The following OPRM1 variants were observed in gnomAD, a reference collection of about 807,000 sequenced individuals.
OPRM1 encodes opioid receptor mu 1.
OPRM1 carries 27 observed loss-of-function variants against 31.8 expected under a neutral mutation model. The observed-to-expected ratio is 0.85, with a 90% CI of 0.63 to 1.17. OPRM1 has a LOEUF of 1.17. Among genes scored for constraint, OPRM1 ranks in the 50% most tolerant of loss-of-function variants. The probability of loss-of-function intolerance (pLI) is 0.00; values close to 1 mark genes in which losing one functional copy is unlikely to be tolerated. For missense variants in OPRM1, 536 were observed against 511.1 expected (o/e 1.05, Z -0.47); for synonymous variants, 196 against 189.9 (o/e 1.03, Z -0.26).
At chr6:154,015,361 T>C (rs529022948) in intron 1 of OPRM1, among the ~76,000 whole-genome samples, 1 of 152,016 alleles carries the variant, frequency 6.6e-6, no homozygotes, top group Non-Finnish European at 1.5e-5. Flanking sequence ...CATACATACA[T>C]AGAAAATATG....
chr6:154,239,577 C>T (rs571693846), intron 3 of OPRM1, among the ~76,000 whole-genome samples: 4 of 152,322 alleles, frequency 2.6e-5, no homozygotes, highest in Non-Finnish European at 5.9e-5. Context: ...TGAAATGTCA[C>T]GTTTTGCCCT....
intron 3 of OPRM1, chr6:154,156,175 C>T (rs1406147849): frequency 6.6e-6 from 1 of 152,280 alleles, no homozygotes; most frequent in African/African-American, 2.4e-5. Flanking sequence ...TTAGGTGAAA[C>T]CCCAATCCAT....
chr6:154,200,437 G>A (rs1381927127), intron 3 of OPRM1, among the ~76,000 whole-genome samples: 1 of 152,170 alleles, frequency 6.6e-6, no homozygotes, highest in Non-Finnish European at 1.5e-5. Flanking sequence ...TGAAAAAGGA[G>A]AGGCTGGGTG....
rs1797896550 is a variant in OPRM1, at chr6:154,131,564, G to A, written c.*12843G>A. 6.6e-6 allele frequency among the ~76,000 whole-genome samples: 1 copy of A among 152,062 alleles called. No individual in the cohort carries two copies. Among genetic ancestry groups the A allele is most frequent in the Non-Finnish European group, 1.5e-5 (1 of 68,028 alleles). On this transcript the variant is annotated 3_prime_UTR_variant, in exon 4 of 4. Transcript: ENST00000330432. ...CACGTAGATTCAGTTTGTATGCCAGGGTGACATTTTAATTTACAGTAGTCC... is the reference window on the plus strand; with the variant it reads ...CACGTAGATTCAGTTTGTATGCCAGAGTGACATTTTAATTTACAGTAGTCC...
At chr6:154,022,545 C>G (rs76350212) in intron 1 of OPRM1, among the ~76,000 whole-genome samples, 4,027 of 147,306 alleles carry the variant, frequency 0.027, 167 homozygotes, top group African/African-American at 0.1. Context: ...CTGTGAGGAA[C>G]CTTTTAAAGT....
chr6:154,026,842 T>C (rs1778724084), intron 1 of OPRM1, among the ~76,000 whole-genome samples: 1 of 152,240 alleles, frequency 6.6e-6, no homozygotes, highest in South Asian at 2.1e-4. Flanking sequence ...GATAGAATTC[T>C]GAATTTCTTT....
At position 154,116,584 on chromosome 6, in the gene OPRM1, C is replaced by CAA. The variant is rs1293710740; in HGVS notation, c.1165-2084_1165-2083dup. Among the ~76,000 whole-genome samples, 56 of 72,902 alleles carry CAA rather than the reference C, an allele frequency of 7.7e-4. 1 individual carries two copies. Among genetic ancestry groups the CAA allele is most frequent in the Admixed American group, 2.4e-3 (15 of 6,172 alleles). 47.8% of individuals were successfully genotyped at this position (72,902 alleles called of 152,430 possible). On this transcript the variant is annotated intron_variant, in intron 3 of 3. Coordinates refer to ENST00000330432, the MANE Select transcript of OPRM1 (RefSeq NM_000914.5). The stretch of plus-strand genomic sequence containing the variant: ...TGGGTGACAGAACGAGACTCTGCCT[C>CAA]AAAAAAAAAAAAAAAAGAAAAGAAA...
chr6:154,217,371 G>A (rs1341779053), intron 3 of OPRM1: 2 of 151,894 alleles, frequency 1.3e-5, no homozygotes, highest in Non-Finnish European at 2.9e-5. Context: ...TCTGCCACAT[G>A]GAGATGATCC....
At chr6:154,102,742 C>T (rs1160093318) in intron 3 of OPRM1, among the ~76,000 whole-genome samples, 1 of 152,118 alleles carries the variant, frequency 6.6e-6, no homozygotes, top group Non-Finnish European at 1.5e-5. Flanking sequence ...AACCATTGAT[C>T]TAACCTGTTT....
intron 3 of OPRM1, among the ~76,000 whole-genome samples, chr6:154,203,201 G>A (rs902740782): frequency 6.6e-6 from 1 of 152,172 alleles, no homozygotes; most frequent in African/African-American, 2.4e-5. Flanking sequence ...GCAGAAGGCA[G>A]TGCTAGTCTC....
At chr6:154,117,756 G>T (rs3798688) in intron 3 of OPRM1, among the ~76,000 whole-genome samples, 4,601 of 152,062 alleles carry the variant, frequency 0.03, 97 homozygotes, top group East Asian at 0.1. Context: ...GGCCATGATG[G>T]ACTGCCTCTC....
intron 1 of OPRM1, among the ~76,000 whole-genome samples, chr6:154,069,204 G>A (rs1216611724): frequency 2.0e-5 from 3 of 152,040 alleles, no homozygotes; most frequent in Non-Finnish European, 4.4e-5. Flanking sequence ...AAGCTTTTTA[G>A]TTTGATGTAA....
intron 1 of OPRM1, among the ~76,000 whole-genome samples, chr6:154,046,054 C>A (rs1781052424): frequency 6.6e-6 from 1 of 152,222 alleles, no homozygotes; most frequent in African/African-American, 2.4e-5. Flanking sequence ...ATCTCACACT[C>A]TGCTGAATAT....
chr6:154,172,250 C>T (rs9479774), intron 3 of OPRM1, among the ~76,000 whole-genome samples: 95,742 of 152,100 alleles, frequency 0.63, 31,015 homozygotes, highest in African/African-American at 0.77. Flanking sequence ...TTTCTGCATT[C>T]CCAACTGAAG....
At chr6:154,240,621 A>G (rs1780503024) in intron 3 of OPRM1, among the ~76,000 whole-genome samples, 1 of 152,208 alleles carries the variant, frequency 6.6e-6, no homozygotes, top group African/African-American at 2.4e-5. Flanking sequence ...CTACATGGGT[A>G]ATTCTGCCCA....
intron 3 of OPRM1, chr6:154,214,166 A>C: frequency 1.7e-6 from 2 of 1,160,188 alleles, no homozygotes; most frequent in South Asian, 1.2e-5. Flanking sequence ...ACCCTGTTTC[A>C]ACCTGTTCTA....
chr6:154,199,460 C>T (rs1438554075), intron 3 of OPRM1, among the ~76,000 whole-genome samples: 1 of 152,208 alleles, frequency 6.6e-6, no homozygotes, highest in Non-Finnish European at 1.5e-5. Context: ...TGGTTAGTGA[C>T]ACTTATAGCA....
rs1302059903 is a variant in OPRM1 at position 154,237,484 on chromosome 6, A to C, written c.1165-9209A>C. 2.6e-5 allele frequency among the ~76,000 whole-genome samples: 4 copies of C among 152,222 alleles called. No homozygotes were observed. In the East Asian group the frequency reaches 7.7e-4, roughly 29 times the overall value. On this transcript the variant is annotated intron_variant, in intron 3 of 3. Transcript: ENST00000337049. Reference sequence around the variant, plus strand: ...TCCTAGCACAATTCTCCTGCATCCTAAAATCTCAATATTTAGGCAAACACA... The same window carrying C: ...TCCTAGCACAATTCTCCTGCATCCTCAAATCTCAATATTTAGGCAAACACA...
chr6:154,171,339 A>G (rs1304449187), intron 3 of OPRM1, among the ~76,000 whole-genome samples: 3 of 152,174 alleles, frequency 2.0e-5, no homozygotes, highest in African/African-American at 7.2e-5. Context: ...CCTTGAAAAC[A>G]TTTTGCTAAG....
Sources: gnomAD v4.1 joint callset for allele counts (sites outside exome capture counted in the v4.1 genomes callset) on GRCh38, gnomAD v4.1.1 for gene constraint, MANE v1.5 for transcripts, NCBI Gene and HGNC (gene_info 2026-07-23, HGNC 2026-07-21) for gene names.